Variants in GRM7 observed in about 807,000 individuals in gnomAD.
GRM7 encodes metabotropic glutamate receptor 7.
Under a neutral mutation model 84.5 loss-of-function variants are expected in GRM7, and 35 were observed. The ratio of observed to expected loss-of-function variants is 0.41; its 90% CI spans 0.32 to 0.55. The LOEUF (loss-of-function observed/expected upper bound fraction) is 0.55, where lower values mean the gene tolerates loss of function less well. GRM7 is among the 20% of genes least tolerant of loss of function. The pLI, the probability that GRM7 is intolerant of heterozygous loss-of-function variation, is 0.19. For missense variants in GRM7, 1,003 were observed against 1,194.6 expected (o/e 0.84, Z 2.36); for synonymous variants, 487 against 455.1 (o/e 1.07, Z -0.89).
intron 5 of GRM7, among the ~76,000 whole-genome samples, chr3:7,440,540 C>T (rs1188558279): frequency 6.6e-6 from 1 of 152,126 alleles, no homozygotes; most frequent in Non-Finnish European, 1.5e-5. Context: ...AGTACATATG[C>T]AGCTTGGTTC....
At chr3:7,144,929 T>C (rs1375627565) in intron 1 of GRM7, among the ~76,000 whole-genome samples, 1 of 152,126 alleles carries the variant, frequency 6.6e-6, no homozygotes, top group Non-Finnish European at 1.5e-5. Context: ...CAGAAGTGCA[T>C]CGTGGACAGG....
At chr3:6,962,116 A>C (rs572801403) in intron 1 of GRM7, among the ~76,000 whole-genome samples, 4 of 152,280 alleles carry the variant, frequency 2.6e-5, no homozygotes, top group African/African-American at 7.2e-5. Context: ...TACCTTATGC[A>C]TACTTTTGAT....
At chr3:7,417,896 C>T (rs990055582) in intron 5 of GRM7, among the ~76,000 whole-genome samples, 7 of 151,808 alleles carry the variant, frequency 4.6e-5, no homozygotes, top group African/African-American at 1.7e-4. Flanking sequence ...GGGATGAGAC[C>T]CATACTATTT....
intron 1 of GRM7, among the ~76,000 whole-genome samples, chr3:7,040,039 G>T (rs1228123717): frequency 6.6e-6 from 1 of 152,128 alleles, no homozygotes; most frequent in Non-Finnish European, 1.5e-5. Context: ...CATTAGTTAG[G>T]TTATACCATA....
intron 4 of GRM7, among the ~76,000 whole-genome samples, chr3:7,325,328 C>T (rs1049118772): frequency 6.6e-6 from 1 of 152,108 alleles, no homozygotes; most frequent in East Asian, 1.9e-4. Context: ...ACCAAAGGAC[C>T]AAAGATTCTC....
chr3:7,316,039 T>G lies in GRM7; in HGVS notation c.1033+9387T>G, dbSNP rs116486414. 3.6e-3 allele frequency among the ~76,000 whole-genome samples: 546 copies of G among 152,224 alleles called. 3 individuals are homozygous for G. Among genetic ancestry groups the G allele is most frequent in the African/African-American group, 0.012 (517 of 41,554 alleles). ...TCAAGATGTCTTTTGATAAGTGATT[T>G]GAATAAATAAAGGAATTATCCAAGT... On this transcript the variant is annotated intron_variant, in intron 4 of 9. Coordinates refer to ENST00000357716, the MANE Select transcript of GRM7 (RefSeq NM_000844.4).
chr3:7,181,700 C>A (rs1695342964), intron 2 of GRM7, among the ~76,000 whole-genome samples: 1 of 152,046 alleles, frequency 6.6e-6, no homozygotes, highest in African/African-American at 2.4e-5. Context: ...CCCTGACCTC[C>A]CGGGCTCAAG....
intron 9 of GRM7, among the ~76,000 whole-genome samples, chr3:7,698,056 A>T (rs747872319): frequency 5.3e-5 from 8 of 152,222 alleles, no homozygotes; most frequent in Non-Finnish European, 7.3e-5. Context: ...GAAGGCTGAG[A>T]TAGAGCAAGC....
intron 1 of GRM7, among the ~76,000 whole-genome samples, chr3:6,960,191 C>T (rs1400167156): frequency 6.6e-6 from 1 of 152,140 alleles, no homozygotes; most frequent in African/African-American, 2.4e-5. Context: ...AGCTGAGCCA[C>T]CCCCAATCCA....
intron 6 of GRM7, among the ~76,000 whole-genome samples, chr3:7,459,202 G>A (rs1427935813): frequency 2.6e-5 from 4 of 152,146 alleles, no homozygotes; most frequent in Non-Finnish European, 5.9e-5. Flanking sequence ...ACTCAAATTG[G>A]TGGGACCAAA....
intron 7 of GRM7, among the ~76,000 whole-genome samples, chr3:7,530,348 G>A (rs904661521): frequency 1.3e-5 from 2 of 152,088 alleles, no homozygotes; most frequent in Admixed American, 6.6e-5. Flanking sequence ...TATCATTAAT[G>A]GACATTTGGG....
At chr3:7,141,079 C>T (rs1693930638) in intron 1 of GRM7, among the ~76,000 whole-genome samples, 1 of 151,990 alleles carries the variant, frequency 6.6e-6, no homozygotes, top group Admixed American at 6.6e-5. Context: ...TAATTGCTCA[C>T]TGTTCAGAAA....
chr3:7,316,847 C>T (rs1447400760), intron 4 of GRM7, among the ~76,000 whole-genome samples: 1 of 152,020 alleles, frequency 6.6e-6, no homozygotes, highest in African/African-American at 2.4e-5. Context: ...TTTTGTGCAG[C>T]CATTGAAATA....
At chr3:7,290,620 A>G (rs1333037015) in intron 2 of GRM7, among the ~76,000 whole-genome samples, 1 of 152,116 alleles carries the variant, frequency 6.6e-6, no homozygotes, top group African/African-American at 2.4e-5. Flanking sequence ...AGAATTTTTT[A>G]TCTAAGCATT....
At chr3:7,713,133 T>TCTG (rs1559501753) in intron 9 of GRM7, among the ~76,000 whole-genome samples, 5 of 137,334 alleles carry the variant, frequency 3.6e-5, no homozygotes, top group Non-Finnish European at 1.6e-5. Flanking sequence ...TGTTTTTTTT[T>TCTG]TTTTTTTTTT....
intron 4 of GRM7, among the ~76,000 whole-genome samples, chr3:7,395,540 A>T (rs947284628): frequency 3.3e-5 from 5 of 152,056 alleles, no homozygotes; most frequent in African/African-American, 1.2e-4. Flanking sequence ...AATAATCCCC[A>T]CATGTCAAGG....
chr3:7,704,520 T>C (rs1030381489), intron 9 of GRM7, among the ~76,000 whole-genome samples: 3 of 152,216 alleles, frequency 2.0e-5, no homozygotes, highest in African/African-American at 7.2e-5. Flanking sequence ...GAAAAAAATG[T>C]AATATTAAAA....
intron 1 of GRM7, among the ~76,000 whole-genome samples, chr3:6,999,631 G>C (rs1468261344): frequency 6.6e-6 from 1 of 152,188 alleles, no homozygotes; most frequent in Non-Finnish European, 1.5e-5. Flanking sequence ...GTTCTGCAGG[G>C]CTGGGGATGC....
At position 7,360,124 on chromosome 3, in the gene GRM7, C is replaced by T. The variant is rs189173384; in HGVS notation, c.1033+53472C>T. Among the ~76,000 whole-genome samples, 999 of 131,104 alleles carry T rather than the reference C, an allele frequency of 7.6e-3. 113 individuals are homozygous for T. The highest frequency in any genetic ancestry group is 0.029 in the African/African-American group (945 of 32,526). 86.0% of individuals were successfully genotyped at this position (131,104 alleles called of 152,430 possible). ...CATAAGGGTATCTCTTTCTCCCCCC[C>T]TTTTTTTTCCCTCTGTGTGTGTGTG... is the stretch of plus-strand genomic sequence containing the variant. On this transcript the variant is annotated intron_variant, in intron 4 of 9. Coordinates refer to ENST00000357716, the MANE Select transcript of GRM7 (RefSeq NM_000844.4).
Sources: allele counts gnomAD v4.1 joint callset (sites outside exome capture counted in the v4.1 genomes callset), GRCh38; gene constraint gnomAD v4.1.1; transcripts MANE v1.5; gene names NCBI Gene and HGNC (gene_info 2026-07-23, HGNC 2026-07-21).